Variants in ZFPM2 observed in about 807,000 individuals in gnomAD.
The protein encoded by ZFPM2 is zinc finger protein ZFPM2.
ZFPM2 carries 20 observed loss-of-function variants against 98.6 expected under a neutral mutation model. The observed-to-expected ratio is 0.20, with a 90% CI of 0.14 to 0.29. ZFPM2 has a LOEUF of 0.29. ZFPM2 is among the 10% of genes least tolerant of loss of function. The pLI, the probability that ZFPM2 is intolerant of heterozygous loss-of-function variation, is 1.00. For synonymous variants in ZFPM2, 518 were observed against 502.7 expected, an observed-to-expected ratio of 1.03 and a Z score of -0.41; for missense variants, 1,310 against 1,388.6, an observed-to-expected ratio of 0.94 and a Z score of 0.90.
intron 2 of ZFPM2, among the ~76,000 whole-genome samples, chr8:105,428,010 C>G (rs16873018): frequency 0.036 from 5,520 of 152,250 alleles, 316 homozygotes; most frequent in African/African-American, 0.13. Flanking sequence ...CTTCCAGAGG[C>G]TCAGCAACTT....
intron 2 of ZFPM2, among the ~76,000 whole-genome samples, chr8:105,441,188 CA>C (rs1321830991): frequency 6.6e-6 from 1 of 150,964 alleles, no homozygotes; most frequent in Non-Finnish European, 1.5e-5. Context: ...AAACAAAAAC[CA>C]AAAAAACCCC....
intron 3 of ZFPM2, among the ~76,000 whole-genome samples, chr8:105,538,630 T>C (rs1240611649): frequency 6.6e-6 from 1 of 152,144 alleles, no homozygotes; most frequent in Non-Finnish European, 1.5e-5. Flanking sequence ...TTCCATATTA[T>C]TATGGGCTTT....
At chr8:105,608,201 G>A (rs1468182520) in intron 4 of ZFPM2, among the ~76,000 whole-genome samples, 1 of 152,110 alleles carries the variant, frequency 6.6e-6, no homozygotes, top group Non-Finnish European at 1.5e-5. Context: ...GAAGGAGAGA[G>A]AGAAGCAGAA....
intron 4 of ZFPM2, among the ~76,000 whole-genome samples, chr8:105,603,297 C>T (rs17290143): frequency 0.098 from 14,966 of 152,020 alleles, 1,004 homozygotes; most frequent in Middle Eastern, 0.21. Context: ...AATGTTTCGT[C>T]GCTGGGTTAG....
intron 3 of ZFPM2, among the ~76,000 whole-genome samples, chr8:105,527,214 C>T (rs1006382614): frequency 6.6e-6 from 1 of 152,092 alleles, no homozygotes; most frequent in Admixed American, 6.6e-5. Context: ...GCCACACCAT[C>T]GTTTTGAAAG....
chr8:105,431,315 A>G (rs1812015992), intron 2 of ZFPM2, among the ~76,000 whole-genome samples: 1 of 152,200 alleles, frequency 6.6e-6, no homozygotes, highest in Non-Finnish European at 1.5e-5. Flanking sequence ...GGGTTTACAG[A>G]TTATATAAAA....
At chr8:105,475,185 C>T (rs1005815575) in intron 3 of ZFPM2, among the ~76,000 whole-genome samples, 1 of 152,170 alleles carries the variant, frequency 6.6e-6, no homozygotes, top group African/African-American at 2.4e-5. Flanking sequence ...CCTGTCACTT[C>T]TACTAAGTCA....
chr8:105,335,694 CA>C (rs1181515440), intron 1 of ZFPM2, among the ~76,000 whole-genome samples: 1 of 151,662 alleles, frequency 6.6e-6, no homozygotes, highest in Non-Finnish European at 1.5e-5. Flanking sequence ...TGGTCAGCAC[CA>C]AAAATAGATC....
chr8:105,343,348 G>A (rs373361846), intron 1 of ZFPM2, among the ~76,000 whole-genome samples: 9 of 152,190 alleles, frequency 5.9e-5, no homozygotes, highest in Middle Eastern at 3.4e-3. Flanking sequence ...TGTGTTCAAT[G>A]TCATATCCTC....
intron 6 of ZFPM2, among the ~76,000 whole-genome samples, chr8:105,795,095 G>T (rs868206630): frequency 1.3e-5 from 2 of 152,158 alleles, no homozygotes; most frequent in South Asian, 4.1e-4. Flanking sequence ...CCACTGACCT[G>T]CGCCCACTGT....
intron 1 of ZFPM2, among the ~76,000 whole-genome samples, chr8:105,391,057 C>T (rs568335507): frequency 1.3e-5 from 2 of 152,140 alleles, no homozygotes; most frequent in African/African-American, 4.8e-5. Flanking sequence ...GCTCACATTG[C>T]AGACATACCT....
intron 3 of ZFPM2, among the ~76,000 whole-genome samples, chr8:105,475,945 A>T (rs1375925776): frequency 1.3e-5 from 2 of 152,232 alleles, no homozygotes; most frequent in Non-Finnish European, 2.9e-5. Flanking sequence ...GCAACTTTAT[A>T]AAACAACAGA....
chr8:105,712,498 C>G lies in ZFPM2; in HGVS notation c.533-76220C>G, dbSNP rs551412430. ...GGAGGTATGTCGGAATCAAATCTTA[C>G]CAGCTTGTAAGAGCCAGTCATTAAA... On this transcript the variant is annotated intron_variant, in intron 5 of 7. Coordinates refer to ENST00000407775, the MANE Select transcript of ZFPM2 (RefSeq NM_012082.4). Among the ~76,000 whole-genome samples the G allele has an allele frequency of 2.0e-5, 3 of 151,818 alleles. No homozygotes were observed. The South Asian group carries it at 6.3e-4, about 32-fold the overall frequency.
intron 2 of ZFPM2, among the ~76,000 whole-genome samples, chr8:105,425,982 A>G (rs1318656584): frequency 6.6e-6 from 1 of 152,048 alleles, no homozygotes; most frequent in Non-Finnish European, 1.5e-5. Flanking sequence ...TTTAGTTCAG[A>G]AAGTCTATTT....
intron 3 of ZFPM2, among the ~76,000 whole-genome samples, chr8:105,528,718 T>C (rs1257765740): frequency 6.6e-6 from 1 of 152,126 alleles, no homozygotes; most frequent in Non-Finnish European, 1.5e-5. Flanking sequence ...TTGAGACTAT[T>C]ATACTATATT....
chr8:105,561,664 G>A (rs1219717506), intron 4 of ZFPM2, among the ~76,000 whole-genome samples, 183 bp downstream of exon 4: 2 of 152,082 alleles, frequency 1.3e-5, no homozygotes, highest in South Asian at 2.1e-4. Context: ...AGTAATATAC[G>A]CAGAATTTAG....
At chr8:105,655,890 A>G (rs1817275823) in intron 5 of ZFPM2, among the ~76,000 whole-genome samples, 1 of 152,216 alleles carries the variant, frequency 6.6e-6, no homozygotes, top group Non-Finnish European at 1.5e-5. Context: ...CAAGGCATAA[A>G]GCTAACAAAT....
intron 1 of ZFPM2, among the ~76,000 whole-genome samples, chr8:105,364,672 A>T (rs2129779023): frequency 6.6e-6 from 1 of 152,032 alleles, no homozygotes; most frequent in Middle Eastern, 3.4e-3. Context: ...AAAAAAAAAA[A>T]TGGATCCTTA....
chr8:105,756,223 C>T (rs891080702), intron 5 of ZFPM2, among the ~76,000 whole-genome samples: 1 of 152,150 alleles, frequency 6.6e-6, no homozygotes, highest in African/African-American at 2.4e-5. Flanking sequence ...GAGAGCCACA[C>T]AGGTAAAAAC....
Sources: allele counts gnomAD v4.1 joint callset (sites outside exome capture counted in the v4.1 genomes callset), GRCh38; gene constraint gnomAD v4.1.1; transcripts MANE v1.5; gene names NCBI Gene and HGNC (gene_info 2026-07-23, HGNC 2026-07-21).